The following AHCY variants were observed in gnomAD, a reference collection of about 807,000 sequenced individuals.
AHCY encodes the protein S-adenosyl-L-homocysteine hydrolase.
AHCY carries 24 observed loss-of-function variants against 45.4 expected under a neutral mutation model. That is an observed-to-expected ratio of 0.53 (90% CI 0.38 to 0.74). The LOEUF is 0.74. Ranked by LOEUF, AHCY falls within the 30% of genes least tolerant of loss-of-function variation. AHCY has a pLI of 0.00. For synonymous variants in AHCY, 245 were observed against 235.1 expected, an observed-to-expected ratio of 1.04 and a Z score of -0.39; for missense variants, 449 against 594.1, an observed-to-expected ratio of 0.76 and a Z score of 2.54.
At chr20:34,278,200 G>A (rs977514415), downstream of AHCY, among the ~76,000 whole-genome samples, 20 of 152,194 alleles carry the variant, frequency 1.3e-4, no homozygotes, top group African/African-American at 4.6e-4. Context: ...GAGACCAGAT[G>A]TGAAAAGAGG....
chr20:34,285,025 G>A (rs1019971378), intron 9 of AHCY, among the ~76,000 whole-genome samples: 4 of 152,160 alleles, frequency 2.6e-5, no homozygotes, highest in African/African-American at 9.7e-5. Context: ...TACCTGCCTA[G>A]CCCCTGTGGG....
chr20:34,265,063 G>A, the AHCY span, among the ~76,000 whole-genome samples: 6 of 151,876 alleles, frequency 4.0e-5, no homozygotes, highest in African/African-American at 1.2e-4. Flanking sequence ...CTAAACTGCT[G>A]GGATTACCTG....
chr20:34,304,862 A>G (rs2036876102), upstream of AHCY, among the ~76,000 whole-genome samples: 2 of 151,412 alleles, frequency 1.3e-5, no homozygotes, highest in South Asian at 2.1e-4. Flanking sequence ...CTAATTTTGT[A>G]TTTTTAGTAG....
At chr20:34,263,723 C>T in the AHCY span, among the ~76,000 whole-genome samples, 6 of 144,618 alleles carry the variant, frequency 4.1e-5, no homozygotes, top group Admixed American at 1.4e-4. Context: ...GGCCAGAGTT[C>T]GGTGGCGTGA....
At chr20:34,265,966 AG>A in the AHCY span, among the ~76,000 whole-genome samples, 11 of 151,956 alleles carry the variant, frequency 7.2e-5, no homozygotes, top group East Asian at 7.8e-4. Context: ...ACAAAAGCGG[AG>A]GGGGGGAAGT....
intron 1 of AHCY, among the ~76,000 whole-genome samples, chr20:34,297,488 G>A (rs2036612824): frequency 6.6e-6 from 1 of 151,882 alleles, no homozygotes; most frequent in Non-Finnish European, 1.5e-5. Context: ...AGAGGAGACG[G>A]GGTTTCACCA....
At chr20:34,238,047 G>A in the AHCY span, among the ~76,000 whole-genome samples, 1,130 of 152,222 alleles carry the variant, frequency 7.4e-3, 14 homozygotes, top group African/African-American at 0.026. Flanking sequence ...GTGATGAGTC[G>A]CATCTCTCTT....
the AHCY span, among the ~76,000 whole-genome samples, chr20:34,271,589 G>A: frequency 3.0e-5 from 4 of 133,776 alleles, no homozygotes; most frequent in African/African-American, 8.0e-5. Context: ...TTTTTGAGAC[G>A]GAGTCTTGCT....
Position 34,290,497 on chromosome 20 carries a change from G to C in AHCY, c.855-48C>G. The C allele has an allele frequency of 6.2e-7, 1 of 1,613,676 alleles. No individual in the cohort carries two copies. Among genetic ancestry groups the C allele is most frequent in the Non-Finnish European group, 8.5e-7 (1 of 1,179,578 alleles). ...GGGAGATTGTCAGGGACAGAAAGCT[G>C]TCCCAACTCTGCCCTCCTCCCTCAC... On this transcript the variant is annotated intron_variant, in intron 7 of 9. Transcript: ENST00000217426. This position sits in a 1 kb window ranked among gnomAD's most constrained non-coding sequence, Gnocchi z 4.5.
chr20:34,281,196 A>G (rs767830814), intron 9 of AHCY, 31 bp from the exon 10 acceptor site: 2 of 1,611,596 alleles, frequency 1.2e-6, no homozygotes, highest in South Asian at 2.2e-5. Context: ...ACCGGGAATC[A>G]GTGCCATTTT....
intron 1 of AHCY, chr20:34,302,607 C>A: frequency 1.0e-6 from 1 of 985,456 alleles, no homozygotes; most frequent in Non-Finnish European, 1.2e-6. Context: ...TTAACTATCC[C>A]TGTATTACAC....
chr20:34,272,494 C>G, the AHCY span, among the ~76,000 whole-genome samples: 46 of 152,312 alleles, frequency 3.0e-4, no homozygotes, highest in African/African-American at 1.1e-3. Flanking sequence ...AGACACCAGT[C>G]AAAAGTGGAG....
the AHCY span, among the ~76,000 whole-genome samples, chr20:34,236,000 GAGAA>G: frequency 1.0e-5 from 1 of 99,020 alleles, no homozygotes; most frequent in Non-Finnish European, 1.7e-5. Context: ...AGGAAGGAAG[GAGAA>G]AGAGAGAAAG....
the AHCY span, chr20:34,246,143 A>G: frequency 2.0e-6 from 2 of 983,554 alleles, no homozygotes; most frequent in Non-Finnish European, 3.2e-6. Flanking sequence ...AAAAGTTGCA[A>G]GGCCACACAC....
rs1323744384 is a variant in AHCY, at chr20:34,292,429, AG to A, written c.373del (p.Leu125SerfsTer3). ...EQTLYFKDGPLNMILDDGGDL... is the reference protein window; with the variant it reads ...EQTLYFKDGPXNMILDDGGDL... ...GCCCCCGTCGTCCAGAATCATGTTG[AG>A]GGGCCCGTCCTTGAAGTACAGGGTC... On this transcript the variant is annotated frameshift_variant, in exon 4 of 10. Transcript: ENST00000217426. LOFTEE classifies it high-confidence loss of function. 1 of 1,613,876 alleles carries A rather than the reference AG, an allele frequency of 6.2e-7. No homozygotes were observed. The highest frequency in any genetic ancestry group is 8.5e-7 in the Non-Finnish European group (1 of 1,180,052).
Position 34,294,455 on chromosome 20 carries a change from A to G in AHCY, c.220-299T>C, listed in dbSNP as rs181013318. Among the ~76,000 whole-genome samples the G allele has an allele frequency of 2.4e-3, 372 of 152,334 alleles. 5 individuals are homozygous for G. The highest frequency in any genetic ancestry group is 8.7e-3 in the African/African-American group (362 of 41,584). ...TCCAGACAAGAAATATGACAGTAGCAGTGGAGATGATGAGAAGTTGTCACA... is the reference window on the plus strand; with the variant it reads ...TCCAGACAAGAAATATGACAGTAGCGGTGGAGATGATGAGAAGTTGTCACA... On this transcript the variant is annotated intron_variant, in intron 2 of 9. Coordinates refer to ENST00000217426, the MANE Select transcript of AHCY (RefSeq NM_000687.4).
chr20:34,281,837 T>A (rs181395333), intron 9 of AHCY: 1 of 159,054 alleles, frequency 6.3e-6, no homozygotes. Context: ...TCCAGCTAAC[T>A]TTCTGTTTTT....
At chr20:34,270,540 AG>A in the AHCY span, among the ~76,000 whole-genome samples, 2 of 152,200 alleles carry the variant, frequency 1.3e-5, no homozygotes, top group African/African-American at 4.8e-5. Context: ...TTTGGCCCCC[AG>A]GGGTGAGGCC....
At chr20:34,306,376 T>C (rs1301282356), upstream of AHCY, among the ~76,000 whole-genome samples, 1 of 151,864 alleles carries the variant, frequency 6.6e-6, no homozygotes, top group Non-Finnish European at 1.5e-5. Context: ...GCTTCTTTTT[T>C]TTTTTTTTTG....
Sources: allele counts gnomAD v4.1 joint callset (sites outside exome capture counted in the v4.1 genomes callset), GRCh38; gene constraint gnomAD v4.1.1; non-coding constraint Gnocchi (gnomAD v3.1); transcripts MANE v1.5; gene names NCBI Gene and HGNC (gene_info 2026-07-23, HGNC 2026-07-21).